ZNF268: variants seen among roughly 807,000 people sequenced by gnomAD.
ZNF268 encodes zinc finger protein 268.
In ZNF268, 20 loss-of-function variants were observed where a neutral mutation model predicts 29.3. The ratio of observed to expected loss-of-function variants is 0.68; its 90% confidence interval spans 0.48 to 0.99. ZNF268 has a LOEUF of 0.99. ZNF268 is among the 50% of genes least tolerant of loss of function. The probability of loss-of-function intolerance (pLI) is 0.00; values close to 1 mark genes in which losing one functional copy is unlikely to be tolerated. For missense variants in ZNF268, 1,240 were observed against 1,121.6 expected, an observed-to-expected ratio of 1.11 and a Z score of -1.51; for synonymous variants, 429 against 376.9, an observed-to-expected ratio of 1.14 and a Z score of -1.60.
chr12:133,202,131 TTCTCATTTC>T lies in ZNF268; in HGVS notation c.458-11_458-3del, dbSNP rs1956765932. 1 of 1,547,568 alleles carries T rather than the reference TTCTCATTTC, an allele frequency of 6.5e-7. No homozygotes were observed. On this transcript the variant is annotated splice_polypyrimidine_tract_variant and splice_region_variant and intron_variant, in intron 5 of 5. Coordinates refer to ENST00000536435, the MANE Select transcript of ZNF268 (RefSeq NM_003415.3). Reference sequence around the variant, plus strand: ...GTGATTTATAACATGTGACCAATTGTTCTCATTTCTAGACACAGTCTGGAAAATTGATGA... The same window carrying T: ...GTGATTTATAACATGTGACCAATTGTTAGACACAGTCTGGAAAATTGATGA...
rs1277480900 is a variant in ZNF268, at chr12:133,187,858, T to C, written c.34-14T>C. On this transcript the variant is annotated splice_polypyrimidine_tract_variant and intron_variant, in intron 2 of 5. Coordinates refer to ENST00000536435, the MANE Select transcript of ZNF268 (RefSeq NM_003415.3). ...ATAATGCTCGCTAAAGTAAATTTGC[T>C]CTTGAGTCCACAGGTCCCACCTCTC... 3.8e-6 allele frequency: 6 copies of C among 1,575,156 alleles called. No homozygotes were observed. Among genetic ancestry groups the C allele is most frequent in the South Asian group, 1.2e-5 (1 of 85,554 alleles).
intron 5 of ZNF268, among the ~76,000 whole-genome samples, chr12:133,200,364 C>A (rs1172071019): frequency 1.3e-5 from 2 of 152,136 alleles, no homozygotes; most frequent in African/African-American, 4.8e-5. Flanking sequence ...ATCCTGAGTT[C>A]TAGTTTGATT....
In ZNF268 at chr12:133,191,454, A is replaced by G. The variant is rs748129908; in HGVS notation, c.235-35A>G. ...GCTAGTTTTCCACAAACCTAGTAAA[A>G]TAACTTGAAATTGGATGAGCATATT... On this transcript the variant is annotated intron_variant, in intron 3 of 5. Transcript: ENST00000536435. 334 of 1,613,216 alleles carry G rather than the reference A, an allele frequency of 2.1e-4. 1 individual carries two copies. Among genetic ancestry groups the G allele is most frequent in the Non-Finnish European group, 2.8e-4 (330 of 1,179,472 alleles).
intron 5 of ZNF268, chr12:133,193,446 C>T (rs1956521524): frequency 1.4e-6 from 1 of 689,800 alleles, no homozygotes; most frequent in South Asian, 1.5e-5. Context: ...GCTGGAAAGT[C>T]CAAAGCCAAG....
In ZNF268 at chr12:133,211,311, G is replaced by C. The variant is rs1199134957; in HGVS notation, c.*6781G>C. On this transcript the variant is annotated 3_prime_UTR_variant, in exon 6 of 6. Coordinates refer to ENST00000536435, the MANE Select transcript of ZNF268 (RefSeq NM_003415.3). ...GATATACAGATGGTGGCCAGGCACG[G>C]TGGCTCACGCCTGTAATCCCAGCAC... The C allele has an allele frequency of 2.9e-6, 1 of 340,992 alleles. No individual in the cohort carries two copies. Among genetic ancestry groups the C allele is most frequent in the African/African-American group, 2.2e-5 (1 of 46,336 alleles). 21.1% of individuals were successfully genotyped at this position (340,992 alleles called of 1,614,324 possible). A position where few individuals can be genotyped will look rare whatever the true frequency, so the allele number is the denominator to read the frequency against.
intron 3 of ZNF268, 168 bp from the exon 4 acceptor site, chr12:133,191,319 CAA>C (rs1222335571): frequency 5.0e-3 from 2,746 of 546,410 alleles, no homozygotes; most frequent in Middle Eastern, 6.4e-3. Flanking sequence ...TCTGTCTCAA[CAA>C]AAAAAAAAAA....
At chr12:133,194,655 G>A (rs1012739218) in intron 5 of ZNF268, among the ~76,000 whole-genome samples, 1 of 152,214 alleles carries the variant, frequency 6.6e-6, no homozygotes, top group Non-Finnish European at 1.5e-5. Context: ...GGCTATCTCC[G>A]TTGGCTCAGA....
intron 5 of ZNF268, among the ~76,000 whole-genome samples, chr12:133,200,840 C>G (rs918358985): frequency 6.6e-5 from 10 of 152,012 alleles, no homozygotes; most frequent in Admixed American, 3.9e-4. Context: ...TCTGCTAGAC[C>G]TTGGCTTTCT....
At chr12:133,189,999 GAAGTTTC>G (rs55724257) in intron 3 of ZNF268, among the ~76,000 whole-genome samples, 49,012 of 151,570 alleles carry the variant, frequency 0.32, 8,259 homozygotes, top group African/African-American at 0.39. Flanking sequence ...TAGTAGAGAC[GAAGTTTC>G]ACCATGTTAG....
Position 133,204,007 on chromosome 12 carries a change from A to G in ZNF268, c.2321A>G (p.His774Arg). The change falls in exon 6 of 6, where the codon CAT becomes CGT. Residue 774 changes from histidine (H) to arginine (R), a missense_variant. His to Arg is a conservative substitution (Grantham distance 29). Coordinates refer to ENST00000536435, the MANE Select transcript of ZNF268 (RefSeq NM_003415.3). The stretch of plus-strand genomic sequence containing the variant: ...CAGCTCATTTCACATCAGCGAACTC[A>G]TGCAGGGGAAAAGCCTTATGGGTGC... ...KDQLISHQRT[H>R]AGEKPYGCSE... The G allele has an allele frequency of 1.3e-6, 2 of 1,578,592 alleles. No individual in the cohort carries two copies. The highest frequency in any genetic ancestry group is 1.7e-6 in the Non-Finnish European group (2 of 1,164,396).
In ZNF268 at chr12:133,187,997, G is replaced by A. The variant is rs1369599422; in HGVS notation, c.159G>A (p.Gln53=). 15 of 1,597,144 alleles carry A rather than the reference G, an allele frequency of 9.4e-6. No individual in the cohort carries two copies. Among genetic ancestry groups the A allele is most frequent in the Non-Finnish European group, 1.3e-5 (15 of 1,171,476 alleles). ...TCCCTGGAACACCCAGGCAGAAGCA[G>A]AAGAGTCGCAGAATAGAGAAAGTCC... ...QPLPGTPRQK[Q]KSRRIEKVLE... Residue 53 remains glutamine, a synonymous_variant, in exon 3 of 6, where the codon CAG becomes CAA. Coordinates refer to ENST00000536435, the MANE Select transcript of ZNF268 (RefSeq NM_003415.3).
rs1956935845 is a variant in ZNF268, at chr12:133,208,311, CAT to C, written c.*3782_*3783del. On this transcript the variant is annotated 3_prime_UTR_variant, in exon 6 of 6. Coordinates refer to ENST00000536435, the MANE Select transcript of ZNF268 (RefSeq NM_003415.3). ...AGGATTTCAAGACCAGTGTGGCTAA[CAT>C]GGTGAAACCCCGTCTCTACTAAAAA... 6.6e-6 allele frequency: 1 copy of C among 152,234 alleles called. No individual in the cohort carries two copies. The highest frequency in any genetic ancestry group is 1.5e-5 in the Non-Finnish European group (1 of 68,098). The allele number at this position is 152,234 out of a possible 1,614,324, so 9.4% of individuals were successfully genotyped here.
chr12:133,199,545 C>T (rs1385414193), intron 5 of ZNF268, among the ~76,000 whole-genome samples: 3 of 151,696 alleles, frequency 2.0e-5, no homozygotes, highest in Non-Finnish European at 4.4e-5. Flanking sequence ...ATGATGCTGG[C>T]CTCAGAAAAT....
rs1324964952 is a variant in ZNF268, at chr12:133,207,882, G to T, written c.*3352G>T. ...ATTAACTACCAGATAAAACTCATAA[G>T]GATTATCTCAGTATATGCTGATAAA... is the stretch of plus-strand genomic sequence containing the variant. On this transcript the variant is annotated 3_prime_UTR_variant, in exon 6 of 6. Transcript: ENST00000536435. The T allele has an allele frequency of 6.6e-6, 1 of 151,970 alleles. No homozygotes were observed. The highest frequency in any genetic ancestry group is 1.9e-4 in the East Asian group (1 of 5,190). The allele number at this position is 151,970 out of a possible 1,614,324, so 9.4% of individuals were successfully genotyped here. A position where few individuals can be genotyped will look rare whatever the true frequency, so the allele number is the denominator to read the frequency against.
In ZNF268 at chr12:133,213,757, T is replaced by C. The variant is rs930816262; in HGVS notation, c.*9227T>C. 1 of 150,452 alleles carries C rather than the reference T, an allele frequency of 6.6e-6. No homozygotes were observed. The highest frequency in any genetic ancestry group is 2.4e-5 in the African/African-American group (1 of 40,848). 9.3% of individuals were successfully genotyped at this position (150,452 alleles called of 1,614,324 possible). On this transcript the variant is annotated 3_prime_UTR_variant, in exon 6 of 6. Coordinates refer to ENST00000536435, the MANE Select transcript of ZNF268 (RefSeq NM_003415.3). ...GCTCACGCCTGTAATCCTAGCACTT[T>C]GGGAGGCTGAGGCAGGTGGATCACG...
intron 2 of ZNF268, among the ~76,000 whole-genome samples, chr12:133,186,452 C>T (rs1956318473): frequency 1.3e-5 from 2 of 150,998 alleles, no homozygotes; most frequent in African/African-American, 4.9e-5. Context: ...GCACTCACTG[C>T]AACCTCTGCT....
At chr12:133,182,228 C>T (rs1002863887) in intron 2 of ZNF268, among the ~76,000 whole-genome samples, 198 bp downstream of exon 2, 37 of 152,302 alleles carry the variant, frequency 2.4e-4, no homozygotes, top group African/African-American at 7.2e-4. Context: ...CTCCTTTCAT[C>T]AATCTCTTTT....
chr12:133,188,101 G>A, intron 3 of ZNF268, 29 bp downstream of exon 3: 3 of 1,496,282 alleles, frequency 2.0e-6, no homozygotes, highest in Non-Finnish European at 2.7e-6. Context: ...TATTCCTAGT[G>A]TTTTCTTTAT....
At chr12:133,183,670 G>T (rs1329681068) in intron 2 of ZNF268, among the ~76,000 whole-genome samples, 6 of 152,164 alleles carry the variant, frequency 3.9e-5, no homozygotes, top group Non-Finnish European at 5.9e-5. Context: ...TGTCAGAATT[G>T]TGATTGGTAG....
Sources: gnomAD v4.1 joint callset for allele counts (sites outside exome capture counted in the v4.1 genomes callset) on GRCh38, gnomAD v4.1.1 for gene constraint, MANE v1.5 for transcripts, NCBI Gene and HGNC (gene_info 2026-07-23, HGNC 2026-07-21) for gene names.